The following CCDC201 variants were observed in gnomAD, a reference collection of about 807,000 sequenced individuals.
CCDC201 encodes the protein coiled-coil domain-containing protein 201.
intron 1 of CCDC201, among the ~76,000 whole-genome samples, chr7:45,869,276 G>C (rs545935342): frequency 1.3e-5 from 2 of 152,326 alleles, no homozygotes; most frequent in Middle Eastern, 6.8e-3. Context: ...ATTAAAATCT[G>C]TTCTCATTGA....
chr7:45,881,759 C>G, the CCDC201 span, among the ~76,000 whole-genome samples: 1 of 152,196 alleles, frequency 6.6e-6, no homozygotes, highest in African/African-American at 2.4e-5. Context: ...TCGCTTCCAT[C>G]GCCAACACTG....
intron 2 of CCDC201, among the ~76,000 whole-genome samples, chr7:45,865,253 T>C (rs993070879): frequency 1.3e-5 from 2 of 152,216 alleles, no homozygotes; most frequent in Admixed American, 1.3e-4. Context: ...TGCAATCCTC[T>C]TCTCATTGGG....
the CCDC201 span, among the ~76,000 whole-genome samples, chr7:45,884,999 A>G: frequency 6.6e-6 from 1 of 152,090 alleles, no homozygotes; most frequent in East Asian, 1.9e-4. Context: ...CTTGAGATGG[A>G]GAAGCTGGAA....
chr7:45,869,815 C>T lies in CCDC201; in HGVS notation c.18+3175G>A, dbSNP rs574863398. Reference sequence around the variant, plus strand: ...ACTGCTACTTTACAGTTTAGTTGCTCCACATTTTTTTTTTTTTTTTGAGAC... The same window carrying T: ...ACTGCTACTTTACAGTTTAGTTGCTTCACATTTTTTTTTTTTTTTTGAGAC... On this transcript the variant is annotated intron_variant, in intron 1 of 2. Transcript: ENST00000636578. Among the ~76,000 whole-genome samples the T allele has an allele frequency of 7.5e-5, 11 of 147,100 alleles. No homozygotes were observed. The South Asian group carries it at 2.3e-3, about 31-fold the overall frequency.
At chr7:45,884,017 C>CTTTT in the CCDC201 span, among the ~76,000 whole-genome samples, 12 of 54,550 alleles carry the variant, frequency 2.2e-4, no homozygotes, top group East Asian at 0.012. Flanking sequence ...CTTTTTCTTT[C>CTTTT]TCTCTCTTTC....
exon 3 of CCDC201, chr7:45,861,341 A>G (rs1786597677): frequency 6.6e-6 from 1 of 151,654 alleles, no homozygotes; most frequent in African/African-American, 2.4e-5. Flanking sequence ...GTAACCCAAT[A>G]ATATATAAGT....
At chr7:45,882,876 C>T in the CCDC201 span, among the ~76,000 whole-genome samples, 6 of 152,352 alleles carry the variant, frequency 3.9e-5, no homozygotes, top group Non-Finnish European at 8.8e-5. Context: ...CCCCAAACAA[C>T]TGTTCATCCC....
chr7:45,877,205 G>A (rs1433648911), upstream of CCDC201, among the ~76,000 whole-genome samples: 1 of 152,154 alleles, frequency 6.6e-6, no homozygotes, highest in Non-Finnish European at 1.5e-5. Flanking sequence ...TACCCACATT[G>A]TTACAGTCAT....
At chr7:45,870,714 G>A (rs1786734045) in intron 1 of CCDC201, among the ~76,000 whole-genome samples, 1 of 152,028 alleles carries the variant, frequency 6.6e-6, no homozygotes, top group Admixed American at 6.5e-5. Context: ...CAGAAATAAA[G>A]TAGTAACTGA....
At chr7:45,868,046 A>G (rs1281958724) in intron 1 of CCDC201, among the ~76,000 whole-genome samples, 5 of 152,212 alleles carry the variant, frequency 3.3e-5, no homozygotes, top group Admixed American at 6.5e-5. Flanking sequence ...GACATCTGTA[A>G]TTGTAATTTC....
At chr7:45,880,956 C>T in the CCDC201 span, among the ~76,000 whole-genome samples, 1 of 152,108 alleles carries the variant, frequency 6.6e-6, no homozygotes, top group Non-Finnish European at 1.5e-5. Context: ...ACAGAATCCC[C>T]ATGGGGGTCA....
chr7:45,883,632 C>G, the CCDC201 span, among the ~76,000 whole-genome samples: 1 of 152,334 alleles, frequency 6.6e-6, no homozygotes, highest in African/African-American at 2.4e-5. Context: ...TGGACCTCGT[C>G]TATGGCTCTC....
In CCDC201 at chr7:45,872,436, G is replaced by C. The variant is rs113627823; in HGVS notation, c.18+554C>G. ...TTGCATCTAGAGCATGAGGTGTCCTGTCACTGTGCCCTGGGGCTGCTGGTC... is the reference window on the plus strand; with the variant it reads ...TTGCATCTAGAGCATGAGGTGTCCTCTCACTGTGCCCTGGGGCTGCTGGTC... On this transcript the variant is annotated intron_variant, in intron 1 of 2. Transcript: ENST00000636578. Among the ~76,000 whole-genome samples the C allele has an allele frequency of 2.8e-3, 427 of 152,338 alleles. 1 individual carries two copies. Among genetic ancestry groups the C allele is most frequent in the Non-Finnish European group, 5.0e-3 (341 of 68,030 alleles).
At chr7:45,884,179 T>A in the CCDC201 span, among the ~76,000 whole-genome samples, 102 of 151,988 alleles carry the variant, frequency 6.7e-4, no homozygotes, top group African/African-American at 2.3e-3. Flanking sequence ...TAACTCACTG[T>A]AGCCTCAAAC....
chr7:45,884,152 G>A, the CCDC201 span, among the ~76,000 whole-genome samples: 1 of 150,942 alleles, frequency 6.6e-6, no homozygotes, highest in South Asian at 2.1e-4. Context: ...CGAGGCTGGA[G>A]TACAGTGGTG....
At chr7:45,876,157 G>A (rs1786797297), upstream of CCDC201, among the ~76,000 whole-genome samples, 1 of 152,202 alleles carries the variant, frequency 6.6e-6, no homozygotes. Context: ...GCATCAGAGA[G>A]CCATCAGGGT....
At chr7:45,879,725 A>G in the CCDC201 span, among the ~76,000 whole-genome samples, 1 of 152,248 alleles carries the variant, frequency 6.6e-6, no homozygotes, top group Non-Finnish European at 1.5e-5. Flanking sequence ...GAGCCAAACC[A>G]TATCAACTAT....
chr7:45,865,092 C>G (rs1356031056), intron 2 of CCDC201, among the ~76,000 whole-genome samples: 2 of 151,924 alleles, frequency 1.3e-5, no homozygotes, highest in Non-Finnish European at 2.9e-5. Context: ...AGAAAGGGCT[C>G]CAAGACTGCT....
upstream of CCDC201, among the ~76,000 whole-genome samples, chr7:45,874,165 G>A (rs1029532119): frequency 4.6e-5 from 7 of 152,000 alleles, no homozygotes; most frequent in Non-Finnish European, 8.8e-5. Flanking sequence ...TGCCCGCCTG[G>A]CCTCCCAAAG....
Sources: gnomAD v4.1 joint callset for allele counts (sites outside exome capture counted in the v4.1 genomes callset) on GRCh38, gnomAD v4.1.1 for gene constraint, MANE v1.5 for transcripts, NCBI Gene and HGNC (gene_info 2026-07-23, HGNC 2026-07-21) for gene names.